LYST: variants seen among roughly 807,000 people sequenced by gnomAD.
LYST encodes the protein lysosomal trafficking regulator, also known as lysosomal-trafficking regulator.
LYST carries 192 observed loss-of-function variants against 413.6 expected under a neutral mutation model. The ratio of observed to expected loss-of-function variants is 0.46; its 90% confidence interval spans 0.41 to 0.52. LYST has a LOEUF of 0.52. Among genes scored for constraint, LYST ranks in the 20% least tolerant of loss-of-function variants. The probability of loss-of-function intolerance (pLI) is 0.00; values close to 1 mark genes in which losing one functional copy is unlikely to be tolerated. For missense variants in LYST, 3,815 were observed against 4,499.9 expected (o/e 0.85, Z 4.35); for synonymous variants, 1,525 against 1,567.3 (o/e 0.97, Z 0.64).
At chr1:235,746,019 G>A (rs1665889853) in intron 29 of LYST, among the ~76,000 whole-genome samples, 1 of 152,104 alleles carries the variant, frequency 6.6e-6, no homozygotes, top group Admixed American at 6.6e-5. Context: ...GATTCATGGG[G>A]GAAACTGGGT....
chr1:235,692,296 G>A (rs989962567), intron 47 of LYST, among the ~76,000 whole-genome samples: 2 of 151,616 alleles, frequency 1.3e-5, no homozygotes, highest in Non-Finnish European at 2.9e-5. Flanking sequence ...TCACACCACT[G>A]TACTCCAGCC....
chr1:235,809,902 A>C lies in LYST; in HGVS notation c.916T>G (p.Leu306Val), dbSNP rs762709482. The change falls in exon 5 of 53, where the codon TTG (leucine) becomes GTG (valine). Residue 306 changes from leucine to valine, a missense_variant. Around this residue, in one of 4 missense-constraint regions of LYST, gnomAD observed 1,648 missense variants for 1,810.3 expected, o/e 0.91. Transcript: ENST00000389793. The surrounding 1 kb of genome is among the most constrained non-coding windows in gnomAD (Gnocchi z 4.0). ...FGDCCSLSDN[L>V]ESRVVSAGWT... ...CCTGCAGAAACTACTCGACTCTCCA[A>C]GTTGTCGCTCAGACTGCAGCAGTCC... is the stretch of plus-strand genomic sequence containing the variant. 5.0e-6 allele frequency: 8 copies of C among 1,613,886 alleles called. No individual in the cohort carries two copies.
At chr1:235,823,859 T>A (rs999056680) in intron 3 of LYST, among the ~76,000 whole-genome samples, 2 of 152,254 alleles carry the variant, frequency 1.3e-5, no homozygotes, top group Admixed American at 6.5e-5. Context: ...TGTTTTGTCA[T>A]CATTTATTTA....
chr1:235,864,462 T>C (rs1351393812), intron 1 of LYST, among the ~76,000 whole-genome samples: 2 of 152,122 alleles, frequency 1.3e-5, no homozygotes, highest in Admixed American at 6.5e-5. Context: ...CAATTTATCC[T>C]GAAATCAATG....
chr1:235,871,171 A>G (rs531619168), upstream of LYST, among the ~76,000 whole-genome samples: 1 of 152,346 alleles, frequency 6.6e-6, no homozygotes, highest in African/African-American at 2.4e-5. Context: ...GTCTTCATTA[A>G]GTTGTTACCA....
chr1:235,716,353 TAC>T (rs1662836182), intron 41 of LYST, among the ~76,000 whole-genome samples: 1 of 152,188 alleles, frequency 6.6e-6, no homozygotes, highest in African/African-American at 2.4e-5. Flanking sequence ...TGGTTATGGG[TAC>T]ATTATAAATA....
At chr1:235,698,830 G>GT (rs1207904330) in intron 45 of LYST, among the ~76,000 whole-genome samples, 3 of 152,002 alleles carry the variant, frequency 2.0e-5, no homozygotes, top group Non-Finnish European at 4.4e-5. Flanking sequence ...CCGAGATCAC[G>GT]CCACTGCACT....
intron 1 of LYST, among the ~76,000 whole-genome samples, chr1:235,863,203 T>C (rs1485642889): frequency 1.3e-5 from 2 of 151,852 alleles, no homozygotes; most frequent in African/African-American, 4.8e-5. Flanking sequence ...TCATCCAGGC[T>C]AACACAGTGA....
Position 235,774,955 on chromosome 1 carries a change from C to T in LYST, c.5592G>A (p.Val1864=), listed in dbSNP as rs774194414. The T allele has an allele frequency of 1.9e-6, 3 of 1,610,758 alleles. No homozygotes were observed. Among genetic ancestry groups the T allele is most frequent in the Non-Finnish European group, 2.5e-6 (3 of 1,178,628 alleles). The change falls in exon 18 of 53, where the codon GTG becomes GTA. Residue 1864 remains valine, a synonymous_variant. Transcript: ENST00000389793. ...NCNGLSMIHQ[V]LIKQKCIVGF... is the part of the protein sequence containing the mutation. Reference sequence around the variant, plus strand: ...CAACAATGCATTTTTGTTTGATCAACACCTGATGAATCATAGAAAGTCCAT... The same window carrying T: ...CAACAATGCATTTTTGTTTGATCAATACCTGATGAATCATAGAAAGTCCAT...
intron 7 of LYST, 51 bp from the exon 8 acceptor site, chr1:235,803,115 T>C: frequency 1.4e-6 from 2 of 1,428,662 alleles, no homozygotes; most frequent in Non-Finnish European, 2.0e-6. Context: ...TTTTTAGTAA[T>C]AGAATACTTA....
At chr1:235,834,540 G>A (rs1676346376) in intron 1 of LYST, among the ~76,000 whole-genome samples, 1 of 151,962 alleles carries the variant, frequency 6.6e-6, no homozygotes, top group African/African-American at 2.4e-5. Context: ...ACCTGGCCCA[G>A]GAGTGATCTT....
intron 43 of LYST, among the ~76,000 whole-genome samples, chr1:235,710,250 T>G (rs1302540450): frequency 3.3e-5 from 5 of 152,140 alleles, no homozygotes; most frequent in African/African-American, 1.2e-4. Context: ...TTATATAAAT[T>G]CACATGGGAT....
At chr1:235,697,847 G>A (rs1327611482) in intron 45 of LYST, among the ~76,000 whole-genome samples, 1 of 152,144 alleles carries the variant, frequency 6.6e-6, no homozygotes, top group African/African-American at 2.4e-5. Flanking sequence ...GCCAGTACTA[G>A]AGAAGAAAAG....
At chr1:235,815,566 T>C (rs979281161) in intron 3 of LYST, among the ~76,000 whole-genome samples, 1 of 152,134 alleles carries the variant, frequency 6.6e-6, no homozygotes, top group East Asian at 1.9e-4. Flanking sequence ...CTCCTAGATC[T>C]GATAAATAAC....
Position 235,720,914 on chromosome 1 carries a change from G to C in LYST, c.9316-9C>G, listed in dbSNP as rs1280888055. Reference sequence around the variant, plus strand: ...TATACATCATCACGAACCTAAAAGGGAAGGAGAAGAAAAAAACCCAGATAT... The same window carrying C: ...TATACATCATCACGAACCTAAAAGGCAAGGAGAAGAAAAAAACCCAGATAT... On this transcript the variant is annotated splice_polypyrimidine_tract_variant and intron_variant, in intron 39 of 52. Transcript: ENST00000389793. 4 of 1,612,564 alleles carry C rather than the reference G, an allele frequency of 2.5e-6. No individual in the cohort carries two copies. The highest frequency in any genetic ancestry group is 3.3e-5 in the Admixed American group (2 of 59,992).
Position 235,808,393 on chromosome 1 carries a change from T to C in LYST, c.2363+62A>G, listed in dbSNP as rs1363443330. 17 of 1,490,840 alleles carry C rather than the reference T, an allele frequency of 1.1e-5. No individual in the cohort carries two copies. In the South Asian group the frequency reaches 1.8e-4, roughly 16 times the overall value. 92.4% of individuals were successfully genotyped at this position (1,490,840 alleles called of 1,614,324 possible). On this transcript the variant is annotated intron_variant, in intron 5 of 52. Coordinates refer to ENST00000389793, the MANE Select transcript of LYST (RefSeq NM_000081.4). ...TTATCACTCACTTGAAAGCATCCAA[T>C]GAAAAAGATCTAGACATGCTCAACA...
chr1:235,685,771 G>T (rs974794078), intron 48 of LYST, among the ~76,000 whole-genome samples: 1 of 151,504 alleles, frequency 6.6e-6, no homozygotes, highest in Non-Finnish European at 1.5e-5. Flanking sequence ...GCTTGAACCC[G>T]GGAGGCAGAG....
chr1:235,815,227 T>C (rs1253954125), intron 3 of LYST, among the ~76,000 whole-genome samples: 4 of 152,204 alleles, frequency 2.6e-5, no homozygotes, highest in Admixed American at 1.3e-4. Context: ...AGGCACTGTG[T>C]CAGGTACTTC....
intron 52 of LYST, among the ~76,000 whole-genome samples, chr1:235,663,756 C>G (rs1389732160): frequency 6.6e-6 from 1 of 152,162 alleles, no homozygotes; most frequent in East Asian, 1.9e-4. Context: ...ACAAGCATGC[C>G]TTTCCACTAG....
Sources: allele counts gnomAD v4.1 joint callset (sites outside exome capture counted in the v4.1 genomes callset), GRCh38; gene constraint gnomAD v4.1.1; regional missense constraint gnomAD v4.1.1; non-coding constraint Gnocchi (gnomAD v3.1); transcripts MANE v1.5; gene names NCBI Gene and HGNC (gene_info 2026-07-23, HGNC 2026-07-21).